The following ASIC1 variants were observed in gnomAD, a reference collection of about 807,000 sequenced individuals.
The protein encoded by ASIC1 is acid-sensing ion channel 1.
In ASIC1, 21 loss-of-function variants were observed where a neutral mutation model predicts 63.4. The ratio of observed to expected loss-of-function variants is 0.33; its 90% CI spans 0.23 to 0.48. ASIC1 has a LOEUF of 0.48. Ranked by LOEUF, ASIC1 falls within the 20% of genes least tolerant of loss-of-function variation. The pLI is 0.99. For synonymous variants in ASIC1, 258 were observed against 278.2 expected, an observed-to-expected ratio of 0.93 and a Z score of 0.72; for missense variants, 478 against 695.5, an observed-to-expected ratio of 0.69 and a Z score of 3.52.
chr12:50,065,842 A>C (rs1372136089), intron 3 of ASIC1, among the ~76,000 whole-genome samples: 1 of 152,226 alleles, frequency 6.6e-6, no homozygotes, highest in Non-Finnish European at 1.5e-5. Context: ...TTGGTGTCAC[A>C]CCAGCATGCC....
At chr12:50,068,386 G>A (rs1032920085) in intron 3 of ASIC1, among the ~76,000 whole-genome samples, 20 of 152,178 alleles carry the variant, frequency 1.3e-4, no homozygotes, top group African/African-American at 4.6e-4. Flanking sequence ...CACATGACTA[G>A]CTATGGAGCT....
At chr12:50,073,574 C>T (rs1950620534) in intron 3 of ASIC1, 3 of 1,504,686 alleles carry the variant, frequency 2.0e-6, no homozygotes, top group Non-Finnish European at 2.7e-6. Flanking sequence ...ACCAGGAAGC[C>T]CCTGGAGAAA....
rs1039738245 is a variant in ASIC1, at chr12:50,080,817, C to T, written c.1297+228C>T. ...CCTGTGGGCATGAGGGAGGGGTAGG[C>T]ATGGAAGTGGAGACTATTTCATATG... is the stretch of plus-strand genomic sequence containing the variant. On this transcript the variant is annotated intron_variant, in intron 9 of 11. Coordinates refer to ENST00000447966, the MANE Select transcript of ASIC1 (RefSeq NM_001095.4). 1.0e-5 allele frequency: 12 copies of T among 1,196,458 alleles called. No homozygotes were observed. In the Admixed American group the frequency reaches 2.5e-4, roughly 25 times the overall value. The allele number at this position is 1,196,458 out of a possible 1,614,324, so 74.1% of individuals were successfully genotyped here.
chr12:50,080,175 C>G, intron 8 of ASIC1, 120 bp downstream of exon 8: 1 of 1,385,828 alleles, frequency 7.2e-7, no homozygotes, highest in Non-Finnish European at 9.7e-7. Flanking sequence ...CGGGGAAGGT[C>G]CAAAAGGCAA....
Position 50,078,844 on chromosome 12 carries a change from C to A in ASIC1, c.995-80C>A. On this transcript the variant is annotated intron_variant, in intron 6 of 11. Coordinates refer to ENST00000447966, the MANE Select transcript of ASIC1 (RefSeq NM_001095.4). This position sits in a 1 kb window ranked among gnomAD's most constrained non-coding sequence, Gnocchi z 6.0. ...CCTTCCCATCTTCTCCCAGCTTACA[C>A]CTTCTAGGCCTTTGGTACTACCACC... 1 of 1,511,016 alleles carries A rather than the reference C, an allele frequency of 6.6e-7. No homozygotes were observed. Among genetic ancestry groups the A allele is most frequent in the Non-Finnish European group, 9.2e-7 (1 of 1,087,004 alleles). The allele number at this position is 1,511,016 out of a possible 1,614,324, so 93.6% of individuals were successfully genotyped here.
intron 3 of ASIC1, among the ~76,000 whole-genome samples, chr12:50,066,066 T>A (rs1275038600): frequency 6.6e-6 from 1 of 152,234 alleles, no homozygotes; most frequent in African/African-American, 2.4e-5. Context: ...GCTTGGTGTG[T>A]GTGGCTGTGA....
chr12:50,068,130 CTGTT>C (rs1487804411), intron 3 of ASIC1, among the ~76,000 whole-genome samples: 3 of 151,946 alleles, frequency 2.0e-5, no homozygotes, highest in Non-Finnish European at 4.4e-5. Flanking sequence ...TCTTTTGTGT[CTGTT>C]TGTTTTGTTT....
At chr12:50,067,064 A>G (rs1243599413) in intron 3 of ASIC1, among the ~76,000 whole-genome samples, 1 of 152,088 alleles carries the variant, frequency 6.6e-6, no homozygotes, top group Non-Finnish European at 1.5e-5. Flanking sequence ...GACAGCTAAC[A>G]TATATTGAGA....
chr12:50,081,253 G>C lies in ASIC1; in HGVS notation c.1378-7G>C. The C allele has an allele frequency of 6.2e-7, 1 of 1,606,164 alleles. No individual in the cohort carries two copies. The highest frequency in any genetic ancestry group is 1.1e-5 in the South Asian group (1 of 89,690). On this transcript the variant is annotated splice_region_variant and splice_polypyrimidine_tract_variant and intron_variant, in intron 10 of 11. Coordinates refer to ENST00000447966, the MANE Select transcript of ASIC1 (RefSeq NM_001095.4). Reference sequence around the variant, plus strand: ...CAGCCCGCCCACCTGCCCCGTCCCCGTCCTAGGTCATTAAGCACAAGCTGT... The same window carrying C: ...CAGCCCGCCCACCTGCCCCGTCCCCCTCCTAGGTCATTAAGCACAAGCTGT...
intron 3 of ASIC1, among the ~76,000 whole-genome samples, chr12:50,076,014 A>G (rs2137839596): frequency 6.6e-6 from 1 of 152,264 alleles, no homozygotes; most frequent in Non-Finnish European, 1.5e-5. Context: ...CGCACACACC[A>G]TGCCCTGGGG....
chr12:50,059,613 T>A lies in ASIC1; in HGVS notation c.363-146T>A. 2.5e-6 allele frequency: 2 copies of A among 810,122 alleles called. No individual in the cohort carries two copies. Among genetic ancestry groups the A allele is most frequent in the South Asian group, 3.6e-5 (2 of 55,160 alleles). The allele number at this position is 810,122 out of a possible 1,614,324, so 50.2% of individuals were successfully genotyped here. ...TTCCTCCTGTCATTTCAGACCCATG[T>A]GGTAGAGCCTCTGCATGCCCAGCTC... On this transcript the variant is annotated intron_variant, in intron 2 of 11. Coordinates refer to ENST00000447966, the MANE Select transcript of ASIC1 (RefSeq NM_001095.4). This position sits in a 1 kb window ranked among gnomAD's most constrained non-coding sequence, Gnocchi z 4.6.
At chr12:50,073,527 T>A (rs1245845347) in intron 3 of ASIC1, 40 of 1,456,550 alleles carry the variant, frequency 2.7e-5, no homozygotes, top group Non-Finnish European at 3.5e-5. Flanking sequence ...CGCCTTCCCC[T>A]CTGGCACCTT....
chr12:50,067,417 T>A (rs2137821179), intron 3 of ASIC1, among the ~76,000 whole-genome samples: 1 of 151,778 alleles, frequency 6.6e-6, no homozygotes, highest in East Asian at 1.9e-4. Context: ...GTTGTTTTTT[T>A]TTTTTTTTTG....
chr12:50,081,659 G>A lies in ASIC1; in HGVS notation c.*10G>A. Reference sequence around the variant, plus strand: ...GGACTTTACCTGCTGAGCCCCGCAGGCCGCTGAACCAAAGGCCTAGATGGG... The same window carrying A: ...GGACTTTACCTGCTGAGCCCCGCAGACCGCTGAACCAAAGGCCTAGATGGG... On this transcript the variant is annotated 3_prime_UTR_variant, in exon 12 of 12. Transcript: ENST00000447966. The A allele has an allele frequency of 6.2e-7, 1 of 1,612,732 alleles. No individual in the cohort carries two copies.
chr12:50,062,449 G>A (rs1311789168), intron 3 of ASIC1, among the ~76,000 whole-genome samples: 2 of 152,202 alleles, frequency 1.3e-5, no homozygotes, highest in African/African-American at 4.8e-5. Flanking sequence ...CAGAGCAGAG[G>A]TTCTTCACTG....
rs1037480317 is a variant in ASIC1 at position 50,059,755 on chromosome 12, C to G, written c.363-4C>G. On this transcript the variant is annotated splice_region_variant and splice_polypyrimidine_tract_variant and intron_variant, in intron 2 of 11. Coordinates refer to ENST00000447966, the MANE Select transcript of ASIC1 (RefSeq NM_001095.4). The surrounding 1 kb of genome is among the most constrained non-coding windows in gnomAD (Gnocchi z 4.6). ...CCCGTGTGTCACTCACCCCCGGACC[C>G]CAGGTATGAGATACCAGACACACAG... The G allele has an allele frequency of 1.9e-6, 3 of 1,612,094 alleles. No homozygotes were observed. The African/African-American group carries it at 4.0e-5, about 22-fold the overall frequency.
chr12:50,063,696 G>A (rs1279449156), intron 3 of ASIC1, among the ~76,000 whole-genome samples: 1 of 152,086 alleles, frequency 6.6e-6, no homozygotes, highest in African/African-American at 2.4e-5. Context: ...AGGGGCCCGG[G>A]CATCCCCTGG....
chr12:50,071,345 C>T (rs1222772614), intron 3 of ASIC1, among the ~76,000 whole-genome samples: 1 of 148,926 alleles, frequency 6.7e-6, no homozygotes, highest in African/African-American at 2.5e-5. Context: ...CGGCTCACTG[C>T]AAGCTCCACC....
rs954648583 is a variant in ASIC1 at position 50,059,732 on chromosome 12, C to G, written c.363-27C>G. 1.2e-6 allele frequency: 2 copies of G among 1,604,454 alleles called. No individual in the cohort carries two copies. Among genetic ancestry groups the G allele is most frequent in the East Asian group, 4.5e-5 (2 of 44,384 alleles). ...CAGGACACTGATGACTGTACTGACC[C>G]GTGTGTCACTCACCCCCGGACCCCA... On this transcript the variant is annotated intron_variant, in intron 2 of 11. Transcript: ENST00000447966. This position sits in a 1 kb window ranked among gnomAD's most constrained non-coding sequence, Gnocchi z 4.6.
Sources: gnomAD v4.1 joint callset for allele counts (sites outside exome capture counted in the v4.1 genomes callset) on GRCh38, gnomAD v4.1.1 for gene constraint, Gnocchi (gnomAD v3.1) non-coding constraint, MANE v1.5 for transcripts, NCBI Gene and HGNC (gene_info 2026-07-23, HGNC 2026-07-21) for gene names.